LRRCC1: variants seen among roughly 807,000 people sequenced by gnomAD.
LRRCC1 encodes leucine rich repeat and coiled-coil centrosomal protein 1, also known as leucine-rich repeat and coiled-coil domain-containing protein 1.
Under a neutral mutation model 126.0 loss-of-function variants are expected in LRRCC1, and 115 were observed. The observed-to-expected ratio is 0.91, with a 90% CI of 0.78 to 1.07. LRRCC1 has a LOEUF of 1.07. Ranked by LOEUF, LRRCC1 falls within the 50% of genes least tolerant of loss-of-function variation. The probability of loss-of-function intolerance (pLI) is 0.00; values close to 1 mark genes in which losing one functional copy is unlikely to be tolerated. For missense variants in LRRCC1, 1,172 were observed against 1,175.7 expected (o/e 1.00, Z 0.05); for synonymous variants, 400 against 393.4 (o/e 1.02, Z -0.20).
intron 17 of LRRCC1, among the ~76,000 whole-genome samples, chr8:85,138,980 A>C (rs552142877): frequency 3.5e-3 from 528 of 152,168 alleles, no homozygotes; most frequent in Non-Finnish European, 6.0e-3. Flanking sequence ...CAGGAGGCGG[A>C]GGTTGCAGTG....
intron 8 of LRRCC1, among the ~76,000 whole-genome samples, chr8:85,126,456 G>A (rs1810006865): frequency 6.6e-6 from 1 of 152,192 alleles, no homozygotes; most frequent in Non-Finnish European, 1.5e-5. Context: ...TACTCGGAAA[G>A]CTGAGGCAGA....
chr8:85,115,631 C>A, intron 6 of LRRCC1, 47 bp downstream of exon 6: 1 of 1,299,118 alleles, frequency 7.7e-7, no homozygotes, highest in Non-Finnish European at 1.1e-6. Flanking sequence ...TTGAAGAAAA[C>A]ATAGTTAAGA....
chr8:85,138,472 A>G lies in LRRCC1; in HGVS notation c.2837A>G (p.Gln946Arg). 2 of 1,608,512 alleles carry G rather than the reference A, an allele frequency of 1.2e-6. No homozygotes were observed. The highest frequency in any genetic ancestry group is 1.7e-6 in the Non-Finnish European group (2 of 1,178,468). ...KAERDKSIEL[Q>R]KNAMEKLHSM... ...GAAAGAGACAAAAGTATTGAACTAC[A>G]AAAGTAAGCATTAGGTTCTAAAGGA... Residue 946 changes from glutamine (Q) to arginine (R), a missense_variant, in exon 17 of 19, where the codon CAA becomes CGA. Gln to Arg is a conservative substitution (Grantham distance 43). Coordinates refer to ENST00000360375, the MANE Select transcript of LRRCC1 (RefSeq NM_033402.5).
At chr8:85,138,517 T>C (rs1482559633) in intron 17 of LRRCC1, 42 bp downstream of exon 17, 9 of 1,567,080 alleles carry the variant, frequency 5.7e-6, no homozygotes, top group Non-Finnish European at 6.9e-6. Context: ...TCCTTAATCG[T>C]AAACACTGTG....
At chr8:85,141,556 A>G in intron 18 of LRRCC1, 39 bp downstream of exon 18, 1 of 1,415,646 alleles carries the variant, frequency 7.1e-7, no homozygotes, top group East Asian at 2.4e-5. Flanking sequence ...TCAGTATATT[A>G]CATGATTATA....
rs758288695 is a variant in LRRCC1, at chr8:85,138,461, TA to T, written c.2827del (p.Ile943LeufsTer33). 1.2e-6 allele frequency: 2 copies of T among 1,610,080 alleles called. No homozygotes were observed. The highest frequency in any genetic ancestry group is 1.7e-5 in the Admixed American group (1 of 59,178). On this transcript the variant is annotated frameshift_variant, in exon 17 of 19. Transcript: ENST00000360375. LOFTEE classifies it high-confidence loss of function. ...KKLKAERDKS[I>X]ELQKNAMEKL... ...AACTTAAAGCGGAAAGAGACAAAAG[TA>T]TTGAACTACAAAAGTAAGCATTAGG...
At chr8:85,144,283 A>G (rs975911340) in intron 18 of LRRCC1, among the ~76,000 whole-genome samples, 21 of 152,034 alleles carry the variant, frequency 1.4e-4, no homozygotes, top group African/African-American at 5.1e-4. Context: ...CTCAGCATTG[A>G]TAAGCAGTAT....
chr8:85,117,384 G>A (rs754697952), intron 6 of LRRCC1, among the ~76,000 whole-genome samples: 6 of 152,098 alleles, frequency 3.9e-5, no homozygotes, highest in Admixed American at 6.5e-5. Context: ...GTGATTCACT[G>A]CTATGTATAT....
Position 85,141,519 on chromosome 8 carries a change from T to C in LRRCC1, c.2976+2T>C. ...TGTATTGATTCTGCAAATTTAAAGG[T>C]ATTGTAAGTAAAATTCACTTCAATA... On this transcript the variant is annotated splice_donor_variant, in intron 18 of 18. Coordinates refer to ENST00000360375, the MANE Select transcript of LRRCC1 (RefSeq NM_033402.5). LOFTEE classifies it high-confidence loss of function. 1 of 1,596,564 alleles carries C rather than the reference T, an allele frequency of 6.3e-7. No individual in the cohort carries two copies. Among genetic ancestry groups the C allele is most frequent in the South Asian group, 1.1e-5 (1 of 89,102 alleles).
rs749134887 is a variant in LRRCC1, at chr8:85,138,241, C to G, written c.2700C>G (p.Tyr900Ter). The G allele has an allele frequency of 5.0e-6, 8 of 1,602,684 alleles. No homozygotes were observed. The East Asian group carries it at 1.6e-4, about 31-fold the overall frequency. ...EVELEEIRKAYSTLNRKWHDK... is the reference protein window; with the variant it reads ...EVELEEIRKA Reference sequence around the variant, plus strand: ...AACTTGAAGAAATCAGAAAAGCTTACAGGTATTATATAGTACAGTATTTCC... The same window carrying G: ...AACTTGAAGAAATCAGAAAAGCTTAGAGGTATTATATAGTACAGTATTTCC... Residue 900 changes from tyrosine (Y) to a stop codon, truncating the protein, a stop_gained and splice_region_variant, in exon 16 of 19, where the codon TAC (tyrosine) becomes TAG (stop). Transcript: ENST00000360375. LOFTEE classifies it high-confidence loss of function.
Position 85,130,059 on chromosome 8 carries a change from G to A in LRRCC1, c.1766+1G>A. The A allele has an allele frequency of 1.3e-6, 2 of 1,558,170 alleles. No individual in the cohort carries two copies. The highest frequency in any genetic ancestry group is 1.7e-6 in the Non-Finnish European group (2 of 1,159,408). ...TTGCATTGAAAGAACAGGAACACAG[G>A]TAAATGAAAAATGTATCAGGAATGT... On this transcript the variant is annotated splice_donor_variant, in intron 11 of 18. Coordinates refer to ENST00000360375, the MANE Select transcript of LRRCC1 (RefSeq NM_033402.5). LOFTEE classifies it high-confidence loss of function.
intron 12 of LRRCC1, among the ~76,000 whole-genome samples, chr8:85,134,535 G>C (rs1401830860): frequency 6.6e-6 from 1 of 152,116 alleles, no homozygotes; most frequent in Non-Finnish European, 1.5e-5. Flanking sequence ...GGCCAGGCTG[G>C]TCTCAAACTT....
At chr8:85,142,747 T>C (rs1301135490) in intron 18 of LRRCC1, among the ~76,000 whole-genome samples, 1 of 151,268 alleles carries the variant, frequency 6.6e-6, no homozygotes, top group Non-Finnish European at 1.5e-5. Flanking sequence ...ACAGGATCAC[T>C]TGAGCCCTGG....
chr8:85,129,143 A>G (rs1810243445), intron 9 of LRRCC1, 32 bp from the exon 10 acceptor site: 1 of 1,443,180 alleles, frequency 6.9e-7, no homozygotes, highest in South Asian at 1.2e-5. Flanking sequence ...TATGTGTAAT[A>G]TACTTAACAC....
chr8:85,142,311 T>C (rs1811310092), intron 18 of LRRCC1, among the ~76,000 whole-genome samples: 1 of 151,990 alleles, frequency 6.6e-6, no homozygotes, highest in Non-Finnish European at 1.5e-5. Context: ...AAACACCATA[T>C]TCATGAACTT....
intron 6 of LRRCC1, among the ~76,000 whole-genome samples, chr8:85,121,185 T>C (rs1037031218): frequency 4.6e-5 from 7 of 152,224 alleles, no homozygotes; most frequent in Non-Finnish European, 8.8e-5. Context: ...CCTGTTTGTG[T>C]CTTTATATTT....
chr8:85,143,312 A>T (rs982218712), intron 18 of LRRCC1, among the ~76,000 whole-genome samples: 6 of 148,322 alleles, frequency 4.0e-5, no homozygotes, highest in Admixed American at 3.4e-4. Flanking sequence ...CAAGAGTGAA[A>T]CTCTGTCTCA....
intron 3 of LRRCC1, among the ~76,000 whole-genome samples, chr8:85,111,753 C>A (rs1266095680): frequency 6.6e-6 from 1 of 152,102 alleles, no homozygotes; most frequent in Non-Finnish European, 1.5e-5. Flanking sequence ...CAATGGGATA[C>A]CGTTTCACAC....
rs759965161 is a variant in LRRCC1, at chr8:85,109,738, TAAACA to T, written c.249_253del (p.Asn84ThrfsTer21). On this transcript the variant is annotated frameshift_variant, in exon 2 of 19. Coordinates refer to ENST00000360375, the MANE Select transcript of LRRCC1 (RefSeq NM_033402.5). LOFTEE classifies it high-confidence loss of function. Reference sequence around the variant, plus strand: ...AATCAAATAAGTAGAATTGAAGGACTAAACACACTGACAAAACTGTGCACATTAAA... The same window carrying T: ...AATCAAATAAGTAGAATTGAAGGACTCACTGACAAAACTGTGCACATTAAA... 6.2e-7 allele frequency: 1 copy of T among 1,603,136 alleles called. No homozygotes were observed. The highest frequency in any genetic ancestry group is 1.7e-5 in the Admixed American group (1 of 59,600).
Sources: gnomAD v4.1 joint callset for allele counts (sites outside exome capture counted in the v4.1 genomes callset) on GRCh38, gnomAD v4.1.1 for gene constraint, MANE v1.5 for transcripts, NCBI Gene and HGNC (gene_info 2026-07-23, HGNC 2026-07-21) for gene names.